Variants in KALRN observed in about 807,000 individuals in gnomAD.
KALRN encodes kalirin.
A neutral mutation model predicts 353.7 loss-of-function variants in KALRN; 70 were observed. That is an observed-to-expected ratio of 0.20 (90% confidence interval 0.16 to 0.24). KALRN has a LOEUF of 0.24. Ranked by LOEUF, KALRN falls within the 10% of genes least tolerant of loss-of-function variation. KALRN has a pLI of 1.00. For missense variants in KALRN, 2,791 were observed against 3,756.7 expected (o/e 0.74, Z 6.72); for synonymous variants, 1,391 against 1,434.8 (o/e 0.97, Z 0.69).
chr3:124,456,786 C>G (rs558349043), intron 23 of KALRN, 58 bp downstream of exon 23: 1 of 1,156,126 alleles, frequency 8.6e-7, no homozygotes, highest in East Asian at 2.4e-5. Context: ...GGGCTTTCAC[C>G]GCTACTTGTC....
At position 124,591,673 on chromosome 3, in the gene KALRN, A is replaced by G. The variant is rs185066063; in HGVS notation, c.5182+28584A>G. On this transcript the variant is annotated intron_variant, in intron 34 of 59. Transcript: ENST00000682506. ...GGGCCTAGCATAATGCCAGGCATAT[A>G]AAGTGCTCTAAAAAAATTAGCTATT... Among the ~76,000 whole-genome samples, 13 of 151,246 alleles carry G rather than the reference A, an allele frequency of 8.6e-5. No individual in the cohort carries two copies. The East Asian group carries it at 2.6e-3, about 30-fold the overall frequency.
rs143171321 is a variant in KALRN, at chr3:124,619,872, C to T, written c.5183-12548C>T. On this transcript the variant is annotated intron_variant, in intron 34 of 59. Transcript: ENST00000682506. ...AATCTACACTTCCAGCATCAATGTG[C>T]TAGGGTTCCCTTTTCTCTACATTCT... 3.2e-4 allele frequency among the ~76,000 whole-genome samples: 49 copies of T among 152,258 alleles called. No individual in the cohort carries two copies. The East Asian group carries it at 9.1e-3, about 28-fold the overall frequency.
chr3:124,594,382 C>T (rs1199545700), intron 34 of KALRN, among the ~76,000 whole-genome samples: 10 of 152,188 alleles, frequency 6.6e-5, no homozygotes, highest in Middle Eastern at 3.2e-3. Flanking sequence ...TGCGCCACCA[C>T]GCCCAACTGA....
chr3:124,350,006 T>C (rs916253729), intron 10 of KALRN, among the ~76,000 whole-genome samples: 4 of 152,182 alleles, frequency 2.6e-5, no homozygotes, highest in African/African-American at 9.7e-5. Context: ...TGGGCTGTCC[T>C]ATGCCTCAGC....
At chr3:124,086,355 T>TGTGTGTG (rs1461846599) in intron 1 of KALRN, among the ~76,000 whole-genome samples, 3 of 98,998 alleles carry the variant, frequency 3.0e-5, no homozygotes, top group Non-Finnish European at 7.3e-5. Context: ...GTGTGTGTGT[T>TGTGTGTG]TTTGCTGGGG....
intron 8 of KALRN, 89 bp downstream of exon 8, chr3:124,330,081 C>A: frequency 1.5e-6 from 2 of 1,371,542 alleles, no homozygotes; most frequent in Non-Finnish European, 2.0e-6. Flanking sequence ...TGTGAAATAG[C>A]CTGGGTGGGA....
intron 3 of KALRN, among the ~76,000 whole-genome samples, chr3:124,260,773 C>T (rs1273532846): frequency 6.6e-6 from 1 of 152,136 alleles, no homozygotes; most frequent in East Asian, 1.9e-4. Flanking sequence ...GAGCTGCACT[C>T]TCTTGCATTC....
At chr3:124,404,452 A>G (rs1576631717) in intron 13 of KALRN, among the ~76,000 whole-genome samples, 1 of 151,874 alleles carries the variant, frequency 6.6e-6, no homozygotes, top group Non-Finnish European at 1.5e-5. Context: ...ATAGGCTTGG[A>G]TGTGTCCTCT....
intron 14 of KALRN, among the ~76,000 whole-genome samples, chr3:124,415,793 G>A (rs2092462790): frequency 6.6e-6 from 1 of 152,154 alleles, no homozygotes; most frequent in Non-Finnish European, 1.5e-5. Flanking sequence ...GTGGGCCCTG[G>A]GCCCAGCAGC....
intron 30 of KALRN, 30 bp from the exon 31 acceptor site, chr3:124,491,293 C>T: frequency 4.0e-6 from 6 of 1,506,438 alleles, no homozygotes; most frequent in Non-Finnish European, 5.4e-6. Context: ...CTCCCCTTCC[C>T]CGCCTCTCAT....
chr3:124,512,523 C>T (rs1324308184), intron 33 of KALRN, among the ~76,000 whole-genome samples: 6 of 152,094 alleles, frequency 3.9e-5, no homozygotes, highest in Admixed American at 6.6e-5. Context: ...TGGTGGCACA[C>T]GCCTGTAATC....
chr3:124,535,142 T>C (rs1335449238), intron 33 of KALRN, among the ~76,000 whole-genome samples: 2 of 151,740 alleles, frequency 1.3e-5, no homozygotes, highest in Non-Finnish European at 2.9e-5. Flanking sequence ...GATTATATAG[T>C]AAATGAGGTG....
intron 5 of KALRN, among the ~76,000 whole-genome samples, chr3:124,291,677 A>C (rs2076431300): frequency 6.6e-6 from 1 of 152,162 alleles, no homozygotes; most frequent in Non-Finnish European, 1.5e-5. Flanking sequence ...ATGTTTACAG[A>C]TCAGAGACGT....
intron 1 of KALRN, among the ~76,000 whole-genome samples, chr3:124,140,078 C>T (rs1200993707): frequency 6.6e-6 from 1 of 152,132 alleles, no homozygotes; most frequent in African/African-American, 2.4e-5. Context: ...GGACTGATCC[C>T]CAGTGAAGCT....
chr3:124,430,606 G>T lies in KALRN; in HGVS notation c.2710-50G>T, dbSNP rs2093227008. On this transcript the variant is annotated intron_variant, in intron 15 of 59. Transcript: ENST00000682506. ...CCCCATGAGAGGAGGCAACAGCTCT[G>T]GGGAAACTGCGGAAGGCCATTCACC... 2.5e-6 allele frequency: 4 copies of T among 1,605,362 alleles called. No individual in the cohort carries two copies. The South Asian group carries it at 3.3e-5, about 13-fold the overall frequency.
At chr3:124,076,073 A>G (rs1362696415) in intron 1 of KALRN, among the ~76,000 whole-genome samples, 2 of 152,248 alleles carry the variant, frequency 1.3e-5, no homozygotes, top group Admixed American at 1.3e-4. Context: ...GAATCTCTGC[A>G]GGACAGACTA....
intron 53 of KALRN, among the ~76,000 whole-genome samples, chr3:124,695,820 A>C (rs140600655): frequency 4.6e-5 from 7 of 152,266 alleles, no homozygotes; most frequent in African/African-American, 1.4e-4. Flanking sequence ...AATAATACTA[A>C]TAATACTATG....
chr3:124,200,001 C>T (rs1479956323), intron 1 of KALRN, among the ~76,000 whole-genome samples: 1 of 152,150 alleles, frequency 6.6e-6, no homozygotes, highest in Non-Finnish European at 1.5e-5. Flanking sequence ...GCCAGATTCC[C>T]CATGACCGAT....
intron 59 of KALRN, 63 bp from the exon 60 acceptor site, chr3:124,718,862 G>T (rs1252249722): frequency 1.4e-6 from 2 of 1,434,548 alleles, no homozygotes; most frequent in Admixed American, 3.5e-5. Flanking sequence ...GAGGTATTTT[G>T]AGTAGTCAAA....
Sources: allele counts gnomAD v4.1 joint callset (sites outside exome capture counted in the v4.1 genomes callset), GRCh38; gene constraint gnomAD v4.1.1; transcripts MANE v1.5; gene names NCBI Gene and HGNC (gene_info 2026-07-23, HGNC 2026-07-21).